The following GPC3 variants were observed in gnomAD, a reference collection of about 807,000 sequenced individuals.
GPC3 encodes glypican 3.
In GPC3, 3 loss-of-function variants were observed where a neutral mutation model predicts 34.4. The observed-to-expected ratio is 0.09, with a 90% CI of 0.04 to 0.23. GPC3 has a LOEUF of 0.23. Among genes scored for constraint, GPC3 ranks in the 10% least tolerant of loss-of-function variants. The pLI is 1.00. For missense variants in GPC3, 351 were observed against 445.6 expected, an observed-to-expected ratio of 0.79 and a Z score of 1.91; for synonymous variants, 177 against 174.0, an observed-to-expected ratio of 1.02 and a Z score of -0.13.
intron 2 of GPC3, among the ~76,000 whole-genome samples, chrX:133,886,143 T>C (rs1453240797): frequency 2.7e-5 from 3 of 111,246 alleles, no homozygotes; most frequent in African/African-American, 9.8e-5. Context: ...CTCTGTGAGA[T>C]AGATATTATC....
At chrX:133,574,491 T>C (rs1235283371) in intron 7 of GPC3, among the ~76,000 whole-genome samples, 1 of 112,263 alleles carries the variant, frequency 8.9e-6, no homozygotes, top group African/African-American at 3.2e-5. Context: ...TGACCAAAGA[T>C]AACGACTGGT....
chrX:133,700,155 A>G (rs1212060934), intron 3 of GPC3, 127 bp from the exon 4 acceptor site: 1 of 511,969 alleles, frequency 2.0e-6, no homozygotes, highest in Non-Finnish European at 3.3e-6. Context: ...GACTAGAGTC[A>G]AAAAAGGTGA....
chrX:133,917,009 T>C (rs1446655829), intron 2 of GPC3, among the ~76,000 whole-genome samples: 2 of 112,061 alleles, frequency 1.8e-5, no homozygotes, highest in Non-Finnish European at 3.8e-5. Flanking sequence ...GGCAAATTCC[T>C]TAATCTCCCT....
chrX:133,822,552 C>T lies in GPC3; in HGVS notation c.338-68376G>A, dbSNP rs1430195622. Among the ~76,000 whole-genome samples the T allele has an allele frequency of 4.5e-5, 5 of 110,970 alleles. 1 individual carries two copies. The highest frequency in any genetic ancestry group is 2.9e-4 in the Admixed American group (3 of 10,421). On this transcript the variant is annotated intron_variant, in intron 2 of 7. Transcript: ENST00000370818. ...GTTGATAATCTCTCACTGTGCCCTG[C>T]GTATAAATTAAAACTGATCATAGAT...
At chrX:133,875,764 C>T (rs12007324) in intron 2 of GPC3, among the ~76,000 whole-genome samples, 7,932 of 110,801 alleles carry the variant, frequency 0.072, 720 homozygotes, top group African/African-American at 0.25. Context: ...GCATGGTACT[C>T]TGTAGATGCT....
intron 7 of GPC3, among the ~76,000 whole-genome samples, chrX:133,558,787 G>T (rs1176927799): frequency 2.8e-5 from 3 of 108,866 alleles, no homozygotes; most frequent in Non-Finnish European, 3.8e-5. Context: ...CTACTCAGGA[G>T]GCTGAGGCAG....
intron 3 of GPC3, among the ~76,000 whole-genome samples, chrX:133,741,870 A>T (rs1433436482): frequency 8.8e-6 from 1 of 113,069 alleles, no homozygotes; most frequent in Non-Finnish European, 1.9e-5. Context: ...CTGTGGCAGC[A>T]CAAGGCAAAG....
At chrX:133,809,118 G>A (rs2075651403) in intron 2 of GPC3, among the ~76,000 whole-genome samples, 1 of 111,775 alleles carries the variant, frequency 8.9e-6, no homozygotes, top group African/African-American at 3.3e-5. Context: ...GGGCCAAATG[G>A]TAAAACATCA....
chrX:133,797,862 C>G (rs1327523429), intron 2 of GPC3, among the ~76,000 whole-genome samples: 2 of 110,824 alleles, frequency 1.8e-5, no homozygotes, highest in South Asian at 7.6e-4. Flanking sequence ...AAATAAAGTG[C>G]ATAAATGATT....
At chrX:133,828,631 A>G (rs2075761507) in intron 2 of GPC3, among the ~76,000 whole-genome samples, 1 of 111,505 alleles carries the variant, frequency 9.0e-6, no homozygotes, top group Non-Finnish European at 1.9e-5. Flanking sequence ...GAATCTGAAA[A>G]GGTTGAACTC....
In GPC3 at chrX:133,753,638, A is replaced by G. The variant is rs61754633; in HGVS notation, c.876T>C (p.Ile292=). 345 of 1,210,009 alleles carry G rather than the reference A, an allele frequency of 2.9e-4. No homozygotes were observed. The highest frequency in any genetic ancestry group is 2.5e-3 in the Middle Eastern group (11 of 4,354). ...MQGCMAGVVE[I]DKYWREYILS... ...GAATGTATTCTCTCCAGTACTTGTC[A>G]ATCTCCACCACACCTGCCATACAGC... is the stretch of plus-strand genomic sequence containing the variant. The change falls in exon 3 of 8, where the codon ATT becomes ATC. Residue 292 remains isoleucine, a synonymous_variant. Transcript: ENST00000370818.
At chrX:133,593,330 C>CAAAAAAAAAAAAAAAAAAAAAAAAA (rs756083308) in intron 7 of GPC3, among the ~76,000 whole-genome samples, 1 of 9,894 alleles carries the variant, frequency 1.0e-4, no homozygotes, top group African/African-American at 3.4e-4. Flanking sequence ...GAGACTGTCT[C>CAAAAAAAAAAAAAAAAAAAAAAAAA]AAAAAAAAAA....
rs190417858 is a variant in GPC3 at position 133,584,968 on chromosome X, A to T, written c.1573+11472T>A. 1.0e-3 allele frequency among the ~76,000 whole-genome samples: 114 copies of T among 110,976 alleles called. 1 individual carries two copies. Among genetic ancestry groups the T allele is most frequent in the Non-Finnish European group, 1.9e-3 (99 of 53,014 alleles). On this transcript the variant is annotated intron_variant, in intron 7 of 7. Transcript: ENST00000370818. ...AAAACAAAAAAACAAAAAACAGACT[A>T]AAAGGCACTTTTTAAAAAACTCAGC...
chrX:133,718,761 A>T lies in GPC3; in HGVS notation c.1033-18733T>A, dbSNP rs145167317. Among the ~76,000 whole-genome samples, 848 of 111,575 alleles carry T rather than the reference A, an allele frequency of 7.6e-3. 5 individuals carry two copies. The highest frequency in any genetic ancestry group is 0.026 in the African/African-American group (798 of 30,803). ...CGTTGAAAGTAAAGGATAGAAAAAGATATACCAACTAGAATCAATAGACAT... is the reference window on the plus strand; with the variant it reads ...CGTTGAAAGTAAAGGATAGAAAAAGTTATACCAACTAGAATCAATAGACAT... On this transcript the variant is annotated intron_variant, in intron 3 of 7. Coordinates refer to ENST00000370818, the MANE Select transcript of GPC3 (RefSeq NM_004484.4).
intron 3 of GPC3, among the ~76,000 whole-genome samples, chrX:133,710,686 C>T (rs909323820): frequency 2.7e-5 from 3 of 112,029 alleles, no homozygotes; most frequent in African/African-American, 9.7e-5. Flanking sequence ...ATAGGTGGTA[C>T]GTGACTTTGG....
At chrX:133,878,424 T>C (rs2076026857) in intron 2 of GPC3, among the ~76,000 whole-genome samples, 1 of 109,685 alleles carries the variant, frequency 9.1e-6, no homozygotes, top group Middle Eastern at 4.7e-3. Flanking sequence ...TGAGACTCTG[T>C]CTCAAAAAAA....
At chrX:133,565,934 C>T (rs938472670) in intron 7 of GPC3, among the ~76,000 whole-genome samples, 1 of 112,358 alleles carries the variant, frequency 8.9e-6, no homozygotes, top group African/African-American at 3.2e-5. Context: ...CTAATTTTAT[C>T]ATCTCCAAAG....
intron 2 of GPC3, among the ~76,000 whole-genome samples, chrX:133,878,482 T>G (rs1053498688): frequency 8.9e-6 from 1 of 112,121 alleles, no homozygotes; most frequent in African/African-American, 3.2e-5. Flanking sequence ...TCACTGTCAC[T>G]AGACAAAAAT....
At chrX:133,964,944 A>C (rs2076456689) in intron 1 of GPC3, among the ~76,000 whole-genome samples, 1 of 111,724 alleles carries the variant, frequency 9.0e-6, no homozygotes, top group Non-Finnish European at 1.9e-5. Flanking sequence ...AACTAACTTT[A>C]AGTCATTTTA....
Sources: allele counts gnomAD v4.1 joint callset (sites outside exome capture counted in the v4.1 genomes callset), GRCh38; gene constraint gnomAD v4.1.1; transcripts MANE v1.5; gene names NCBI Gene and HGNC (gene_info 2026-07-23, HGNC 2026-07-21).